Variants in CSMD1 observed in about 807,000 individuals in gnomAD.
CSMD1 encodes CUB and sushi domain-containing protein 1.
Under a neutral mutation model 417.5 loss-of-function variants are expected in CSMD1, and 213 were observed. The ratio of observed to expected loss-of-function variants is 0.51; its 90% confidence interval spans 0.46 to 0.57. The LOEUF (loss-of-function observed/expected upper bound fraction) is 0.57. CSMD1 is among the 20% of genes least tolerant of loss of function. The pLI is 0.00. For synonymous variants in CSMD1, 2,862 were observed against 1,736.8 expected (o/e 1.65, Z -16.11); for missense variants, 6,923 against 4,529.7 (o/e 1.53, Z -15.17).
chr8:3,685,320 G>A (rs1239292209), intron 7 of CSMD1, among the ~76,000 whole-genome samples: 1 of 152,072 alleles, frequency 6.6e-6, no homozygotes, highest in Non-Finnish European at 1.5e-5. Context: ...CTTTCCCCCT[G>A]TAAAAATTTT....
At chr8:3,269,629 C>T (rs1198981731) in intron 26 of CSMD1, among the ~76,000 whole-genome samples, 2 of 152,154 alleles carry the variant, frequency 1.3e-5, no homozygotes, top group Admixed American at 1.3e-4. Flanking sequence ...AGCCATTTTT[C>T]CCTGGGACTG....
chr8:4,149,576 A>G (rs1020824510), intron 3 of CSMD1, among the ~76,000 whole-genome samples: 13 of 152,204 alleles, frequency 8.5e-5, no homozygotes, highest in Admixed American at 7.9e-4. Flanking sequence ...CAAAATCCGA[A>G]CCAGATTTAT....
intron 10 of CSMD1, among the ~76,000 whole-genome samples, chr8:3,506,983 A>C (rs1015099458): frequency 6.6e-6 from 1 of 152,228 alleles, no homozygotes; most frequent in Non-Finnish European, 1.5e-5. Flanking sequence ...TCTTTGATAT[A>C]GAGTTTCTAA....
chr8:3,314,899 T>A (rs1805631571), intron 23 of CSMD1, among the ~76,000 whole-genome samples: 1 of 152,242 alleles, frequency 6.6e-6, no homozygotes, highest in Non-Finnish European at 1.5e-5. Flanking sequence ...AACAACGAGC[T>A]CACAGTAATG....
intron 5 of CSMD1, among the ~76,000 whole-genome samples, chr8:3,821,736 C>A (rs1052169267): frequency 1.3e-5 from 2 of 152,102 alleles, no homozygotes; most frequent in African/African-American, 4.8e-5. Flanking sequence ...GAGTTGAAAT[C>A]GCACCACTGC....
Position 4,460,865 on chromosome 8 carries a change from G to A in CSMD1, c.303-40800C>T, listed in dbSNP as rs180753240. On this transcript the variant is annotated intron_variant, in intron 2 of 69. Transcript: ENST00000635120. ...AACATTGAGAGTAGAATTATTGTCAGTCTTTAATAAATTCTTTCCAAAAAT... is the reference window on the plus strand; with the variant it reads ...AACATTGAGAGTAGAATTATTGTCAATCTTTAATAAATTCTTTCCAAAAAT... 2.6e-4 allele frequency among the ~76,000 whole-genome samples: 39 copies of A among 152,222 alleles called. 1 individual carries two copies. In the East Asian group the frequency reaches 6.6e-3, roughly 26 times the overall value.
At chr8:3,950,174 A>G (rs1811510540) in intron 5 of CSMD1, among the ~76,000 whole-genome samples, 1 of 152,194 alleles carries the variant, frequency 6.6e-6, no homozygotes, top group Non-Finnish European at 1.5e-5. Context: ...AAGGTAAACC[A>G]CAAGACCCTA....
At chr8:4,140,986 G>C (rs547546222) in intron 3 of CSMD1, among the ~76,000 whole-genome samples, 18 of 151,128 alleles carry the variant, frequency 1.2e-4, no homozygotes, top group African/African-American at 2.2e-4. Flanking sequence ...AAACATAAAA[G>C]ATTTAGGCAG....
At position 4,222,044 on chromosome 8, in the gene CSMD1, G is replaced by C. The variant is rs537286666; in HGVS notation, c.416-189945C>G. Among the ~76,000 whole-genome samples, 7 of 14,322 alleles carry C rather than the reference G, an allele frequency of 4.9e-4. No homozygotes were observed. The South Asian group carries it at 0.019, about 39-fold the overall frequency. 9.4% of individuals were successfully genotyped at this position (14,322 alleles called of 152,430 possible). ...TACATTTTAGTTCTCTAGAGTATGA[G>C]AAGACATCAAAGGCCATCAATGACT... On this transcript the variant is annotated intron_variant, in intron 3 of 69. Transcript: ENST00000635120.
intron 2 of CSMD1, among the ~76,000 whole-genome samples, chr8:4,431,605 A>T (rs1404793166): frequency 6.6e-6 from 1 of 152,162 alleles, no homozygotes; most frequent in African/African-American, 2.4e-5. Context: ...TTGTGGCAAA[A>T]ACCAAAACCA....
intron 10 of CSMD1, among the ~76,000 whole-genome samples, chr8:3,506,990 C>T (rs182661913): frequency 8.2e-4 from 125 of 152,256 alleles, no homozygotes; most frequent in Non-Finnish European, 1.3e-4. Context: ...TATAGAGTTT[C>T]TAATATACAT....
chr8:3,738,408 G>A (rs562947514), intron 6 of CSMD1, among the ~76,000 whole-genome samples: 23 of 152,294 alleles, frequency 1.5e-4, no homozygotes, highest in East Asian at 7.7e-4. Context: ...TATGCATGGT[G>A]GTTGTCACAC....
chr8:3,990,863 C>G (rs1057331187), intron 5 of CSMD1, among the ~76,000 whole-genome samples: 8 of 152,134 alleles, frequency 5.3e-5, no homozygotes, highest in East Asian at 1.9e-4. Context: ...TGCCCCTTCA[C>G]AGAGAGCCAC....
At chr8:3,415,280 A>G (rs964306019) in intron 12 of CSMD1, among the ~76,000 whole-genome samples, 2 of 152,212 alleles carry the variant, frequency 1.3e-5, no homozygotes, top group Non-Finnish European at 2.9e-5. Context: ...CTATACTCTT[A>G]GCAATTTTCA....
At chr8:3,745,615 G>A (rs1391538057) in intron 6 of CSMD1, among the ~76,000 whole-genome samples, 1 of 152,160 alleles carries the variant, frequency 6.6e-6, no homozygotes, top group Non-Finnish European at 1.5e-5. Flanking sequence ...TTCATTCTGA[G>A]CACTCCACTG....
intron 5 of CSMD1, among the ~76,000 whole-genome samples, chr8:3,878,064 T>G (rs1284901206): frequency 3.3e-5 from 5 of 152,080 alleles, no homozygotes; most frequent in Non-Finnish European, 2.9e-5. Flanking sequence ...TCATGCTGGG[T>G]GGTCATGCAT....
At chr8:4,191,768 G>A (rs1799046675) in intron 3 of CSMD1, among the ~76,000 whole-genome samples, 1 of 150,560 alleles carries the variant, frequency 6.6e-6, no homozygotes, top group Non-Finnish European at 1.5e-5. Flanking sequence ...AAAAATGGTG[G>A]TTCAGTTCAT....
chr8:3,411,965 TGC>T (rs1491486347), intron 12 of CSMD1, among the ~76,000 whole-genome samples: 400 of 11,488 alleles, frequency 0.035, 97 homozygotes, highest in African/African-American at 0.057. Context: ...CACGTATATA[TGC>T]ACGTATATAT....
chr8:4,022,646 A>T (rs570888164), intron 4 of CSMD1, among the ~76,000 whole-genome samples: 2 of 152,174 alleles, frequency 1.3e-5, no homozygotes, highest in Non-Finnish European at 2.9e-5. Flanking sequence ...CCTCTGGGTG[A>T]GCGCTCAGGG....
Sources: gnomAD v4.1 joint callset for allele counts (sites outside exome capture counted in the v4.1 genomes callset) on GRCh38, gnomAD v4.1.1 for gene constraint, MANE v1.5 for transcripts, NCBI Gene and HGNC (gene_info 2026-07-23, HGNC 2026-07-21) for gene names.